SIAH3: variants seen among roughly 807,000 people sequenced by gnomAD.
SIAH3 encodes the protein siah E3 ubiquitin protein ligase family member 3, also known as seven in absentia homolog 3.
SIAH3 carries 9 observed loss-of-function variants against 12.6 expected under a neutral mutation model. That is an observed-to-expected ratio of 0.72 (90% CI 0.43 to 1.25). The LOEUF (loss-of-function observed/expected upper bound fraction) is 1.25, where lower values mean the gene tolerates loss of function less well. SIAH3 is among the 50% of genes most tolerant of loss of function. The pLI, the probability that SIAH3 is intolerant of heterozygous loss-of-function variation, is 0.00. For missense variants in SIAH3, 390 were observed against 365.4 expected, an observed-to-expected ratio of 1.07 and a Z score of -0.55; for synonymous variants, 154 against 151.1, an observed-to-expected ratio of 1.02 and a Z score of -0.14.
intron 1 of SIAH3, among the ~76,000 whole-genome samples, chr13:45,815,475 A>G (rs923180811): frequency 1.3e-5 from 2 of 152,232 alleles, no homozygotes; most frequent in Admixed American, 6.5e-5. Flanking sequence ...GTGGACTTTG[A>G]ACTTACCAGG....
intron 1 of SIAH3, among the ~76,000 whole-genome samples, chr13:45,822,533 A>C (rs1215794840): frequency 9.2e-6 from 1 of 109,126 alleles, no homozygotes; most frequent in Non-Finnish European, 2.0e-5. Flanking sequence ...ATATATATAT[A>C]TATATATATA....
intron 1 of SIAH3, among the ~76,000 whole-genome samples, chr13:45,802,275 C>T (rs1950585015): frequency 6.6e-6 from 1 of 152,262 alleles, no homozygotes. Flanking sequence ...CACTGCTCTC[C>T]AGCCTGGGTG....
chr13:45,789,539 T>G lies in SIAH3; in HGVS notation c.136-5482A>C, dbSNP rs141558398. Among the ~76,000 whole-genome samples the G allele has an allele frequency of 4.8e-3, 729 of 152,236 alleles. 5 individuals are homozygous for G. Among genetic ancestry groups the G allele is most frequent in the African/African-American group, 0.017 (687 of 41,536 alleles). On this transcript the variant is annotated intron_variant, in intron 1 of 1. Transcript: ENST00000400405. ...CTCCTGTCTCAGTTTCCTGAGTAGC[T>G]GGGACTACAGGCGCCTGCTACCATA...
chr13:45,797,003 G>C (rs1017289785), intron 1 of SIAH3, among the ~76,000 whole-genome samples: 2 of 152,314 alleles, frequency 1.3e-5, no homozygotes, highest in Admixed American at 1.3e-4. Flanking sequence ...TGGCAGGCTG[G>C]CCAGTCCCTA....
At chr13:45,788,555 C>A (rs1419164269) in intron 1 of SIAH3, among the ~76,000 whole-genome samples, 1 of 152,186 alleles carries the variant, frequency 6.6e-6, no homozygotes, top group Non-Finnish European at 1.5e-5. Context: ...TTTCTCTAAG[C>A]ATTAGTGAGG....
chr13:45,838,054 G>C (rs754985372), intron 1 of SIAH3, among the ~76,000 whole-genome samples: 34 of 152,220 alleles, frequency 2.2e-4, no homozygotes, highest in Admixed American at 6.5e-5. Flanking sequence ...TTTTTGAAAA[G>C]AGGCAGCCTG....
At chr13:45,803,985 C>T (rs750007659) in intron 1 of SIAH3, among the ~76,000 whole-genome samples, 3 of 151,970 alleles carry the variant, frequency 2.0e-5, no homozygotes, top group Non-Finnish European at 2.9e-5. Flanking sequence ...TACCTACAAC[C>T]GATTTGTAGA....
chr13:45,803,198 C>T (rs1950588233), intron 1 of SIAH3, among the ~76,000 whole-genome samples: 2 of 152,168 alleles, frequency 1.3e-5, no homozygotes, highest in African/African-American at 4.8e-5. Flanking sequence ...GTCACAGGTG[C>T]ATACACAGCA....
intron 1 of SIAH3, among the ~76,000 whole-genome samples, chr13:45,799,377 A>C (rs1950573717): frequency 6.6e-6 from 1 of 152,214 alleles, no homozygotes; most frequent in Non-Finnish European, 1.5e-5. Flanking sequence ...GAATGCGTTA[A>C]AATGTGTTTT....
intron 1 of SIAH3, among the ~76,000 whole-genome samples, chr13:45,807,544 GA>G (rs1177438129): frequency 6.0e-5 from 9 of 150,042 alleles, no homozygotes; most frequent in Non-Finnish European, 5.9e-5. Context: ...TATTATTAGA[GA>G]AAAAAAAATC....
At chr13:45,785,662 G>A (rs1365720579) in intron 1 of SIAH3, among the ~76,000 whole-genome samples, 3 of 152,244 alleles carry the variant, frequency 2.0e-5, no homozygotes, top group African/African-American at 7.2e-5. Flanking sequence ...GGAGGAGGTA[G>A]GGGCCAGATC....
In SIAH3 at chr13:45,777,822, C is replaced by G. The variant is rs1307859833; in HGVS notation, c.*5561G>C. The G allele has an allele frequency of 6.6e-6, 1 of 152,202 alleles. No individual in the cohort carries two copies. Among genetic ancestry groups the G allele is most frequent in the Non-Finnish European group, 1.5e-5 (1 of 68,048 alleles). 9.4% of individuals were successfully genotyped at this position (152,202 alleles called of 1,614,324 possible). On this transcript the variant is annotated 3_prime_UTR_variant, in exon 2 of 2. Coordinates refer to ENST00000400405, the MANE Select transcript of SIAH3 (RefSeq NM_198849.3). ...CCTTAGAAATGCATCCAAGTAGAAA[C>G]TTCAGCAACCCTCACTTCTTCCATC...
At chr13:45,789,243 G>C (rs1950537473) in intron 1 of SIAH3, among the ~76,000 whole-genome samples, 1 of 152,234 alleles carries the variant, frequency 6.6e-6, no homozygotes, top group African/African-American at 2.4e-5. Flanking sequence ...ATCAGATTCA[G>C]CTCTTGCTAC....
chr13:45,841,874 C>T lies in SIAH3; in HGVS notation c.135+9621G>A, dbSNP rs1950741402. Reference sequence around the variant, plus strand: ...GCCTTTTTAATGCCCCGCTGTTGTCCAGCTGGTTTATACCTTGGCAAGGTC... The same window carrying T: ...GCCTTTTTAATGCCCCGCTGTTGTCTAGCTGGTTTATACCTTGGCAAGGTC... On this transcript the variant is annotated intron_variant, in intron 1 of 1. Coordinates refer to ENST00000400405, the MANE Select transcript of SIAH3 (RefSeq NM_198849.3). 2.0e-5 allele frequency among the ~76,000 whole-genome samples: 3 copies of T among 152,284 alleles called. No homozygotes were observed. The South Asian group carries it at 6.2e-4, about 32-fold the overall frequency.
At chr13:45,822,520 AATATATATATATATATATATAT>A (rs36106322) in intron 1 of SIAH3, among the ~76,000 whole-genome samples, 10 of 85,420 alleles carry the variant, frequency 1.2e-4, no homozygotes, top group South Asian at 4.3e-4. Flanking sequence ...TTCATTATCA[AATATATATATATATATATATAT>A]ATATATATAT....
At chr13:45,807,111 A>G (rs1226853471) in intron 1 of SIAH3, among the ~76,000 whole-genome samples, 3 of 152,198 alleles carry the variant, frequency 2.0e-5, no homozygotes, top group Non-Finnish European at 4.4e-5. Flanking sequence ...TAAATTTTAT[A>G]GGAAACAGTC....
chr13:45,826,083 G>C (rs937561466), intron 1 of SIAH3, among the ~76,000 whole-genome samples: 2 of 152,166 alleles, frequency 1.3e-5, no homozygotes, highest in African/African-American at 4.8e-5. Context: ...ATTCAGATGT[G>C]AGCTCTTGTG....
chr13:45,836,246 A>G (rs1206390810), intron 1 of SIAH3, among the ~76,000 whole-genome samples: 1 of 152,248 alleles, frequency 6.6e-6, no homozygotes, highest in East Asian at 1.9e-4. Flanking sequence ...TATTGTAAAG[A>G]CACATGCATG....
At chr13:45,814,815 C>T (rs1224738563) in intron 1 of SIAH3, among the ~76,000 whole-genome samples, 7 of 151,986 alleles carry the variant, frequency 4.6e-5, no homozygotes, top group African/African-American at 9.7e-5. Context: ...CTCTGCCTTC[C>T]GGGCTCAAGC....
Sources: allele counts gnomAD v4.1 joint callset (sites outside exome capture counted in the v4.1 genomes callset), GRCh38; gene constraint gnomAD v4.1.1; transcripts MANE v1.5; gene names NCBI Gene and HGNC (gene_info 2026-07-23, HGNC 2026-07-21).